The following STRADB variants were observed in gnomAD, a reference collection of about 807,000 sequenced individuals.
STRADB encodes STE20 related adaptor beta.
Under a neutral mutation model 52.1 loss-of-function variants are expected in STRADB, and 34 were observed. The observed-to-expected ratio is 0.65, with a 90% CI of 0.50 to 0.87. The LOEUF (loss-of-function observed/expected upper bound fraction) is 0.87. Ranked by LOEUF, STRADB falls within the 40% of genes least tolerant of loss-of-function variation. STRADB has a pLI of 0.00. For synonymous variants in STRADB, 133 were observed against 174.5 expected (o/e 0.76, Z 1.87); for missense variants, 340 against 483.9 (o/e 0.70, Z 2.79).
chr2:201,455,140 G>A (rs1324238421), intron 2 of STRADB, among the ~76,000 whole-genome samples: 1 of 152,104 alleles, frequency 6.6e-6, no homozygotes, highest in Non-Finnish European at 1.5e-5. Context: ...ACACCAGTTA[G>A]CTATGCCTTA....
Position 201,475,605 on chromosome 2 carries a change from G to A in STRADB, c.425-14G>A. On this transcript the variant is annotated splice_polypyrimidine_tract_variant and intron_variant, in intron 6 of 11. Transcript: ENST00000194530. ...TTTCAATGTTCATCTAAGGATTTTA[G>A]GGGTTTCTTTCAGGTTCAGCAAGTC... 6.2e-7 allele frequency: 1 copy of A among 1,611,730 alleles called. No homozygotes were observed. Among genetic ancestry groups the A allele is most frequent in the Non-Finnish European group, 8.5e-7 (1 of 1,179,736 alleles).
chr2:201,454,832 A>G lies in STRADB; in HGVS notation c.-9A>G, dbSNP rs1471374397. 4 of 1,607,186 alleles carry G rather than the reference A, an allele frequency of 2.5e-6. No individual in the cohort carries two copies. Among genetic ancestry groups the G allele is most frequent in the African/African-American group, 2.7e-5 (2 of 74,686 alleles). ...TTTTGTCACTTTCTGTGTGAACTAA[A>G]GTGATTCAATGTCTCTTTTGGTAAG... On this transcript the variant is annotated 5_prime_UTR_variant, in exon 2 of 12. Transcript: ENST00000194530.
In STRADB at chr2:201,458,979, T is replaced by C; in HGVS notation, c.93+115T>C. 3 of 774,290 alleles carry C rather than the reference T, an allele frequency of 3.9e-6. No individual in the cohort carries two copies. In the South Asian group the frequency reaches 5.4e-5, roughly 14 times the overall value. The allele number at this position is 774,290 out of a possible 1,614,324, so 48.0% of individuals were successfully genotyped here. A position where few individuals can be genotyped will look rare whatever the true frequency, so the allele number is the denominator to read the frequency against. ...GAGTTCGAGACCAGCCTGGGCAACA[T>C]AGTGAGATCTCATCTTTAAAAAAAA... is the stretch of plus-strand genomic sequence containing the variant. On this transcript the variant is annotated intron_variant, in intron 3 of 11. Coordinates refer to ENST00000194530, the MANE Select transcript of STRADB (RefSeq NM_018571.6).
intron 3 of STRADB, among the ~76,000 whole-genome samples, chr2:201,462,988 G>T (rs545904266): frequency 6.6e-6 from 1 of 152,262 alleles, no homozygotes; most frequent in African/African-American, 2.4e-5. Context: ...CTCAGCTTTT[G>T]TTTGTCTGGG....
chr2:201,464,098 A>G, intron 3 of STRADB, among the ~76,000 whole-genome samples: 1 of 151,862 alleles, frequency 6.6e-6, no homozygotes, highest in African/African-American at 2.4e-5. Flanking sequence ...TACTTTGCTC[A>G]TTTGGTGAAA....
At chr2:201,478,663 G>A in intron 10 of STRADB, 62 bp downstream of exon 10, 2 of 1,541,748 alleles carry the variant, frequency 1.3e-6, no homozygotes, top group East Asian at 4.5e-5. Context: ...TAGAAGCTTT[G>A]TAACATTGCC....
In STRADB at chr2:201,475,628, G is replaced by A. The variant is rs763789726; in HGVS notation, c.434G>A (p.Ser145Asn). 4 of 1,611,886 alleles carry A rather than the reference G, an allele frequency of 2.5e-6. No individual in the cohort carries two copies. The highest frequency in any genetic ancestry group is 1.1e-5 in the South Asian group (1 of 90,970). ...TAGGGGTTTCTTTCAGGTTCAGCAA[G>A]TCAACTCTTGAGGACCTATTTTCCT... is the stretch of plus-strand genomic sequence containing the variant. ...ISPFMAYGSA[S>N]QLLRTYFPEG... The change falls in exon 7 of 12, where the codon AGT becomes AAT. Residue 145 changes from serine to asparagine, a missense_variant. Transcript: ENST00000194530.
At chr2:201,479,881 A>C (rs1427646488) in intron 11 of STRADB, 151 bp from the exon 12 acceptor site, 1 of 910,834 alleles carries the variant, frequency 1.1e-6, no homozygotes, top group African/African-American at 1.7e-5. Flanking sequence ...TCCTGTTTTC[A>C]GATGACCAGA....
Position 201,478,489 on chromosome 2 carries a change from A to T in STRADB, c.958A>T (p.Ser320Cys), listed in dbSNP as rs1952516231. 6.2e-7 allele frequency: 1 copy of T among 1,613,986 alleles called. No individual in the cohort carries two copies. Among genetic ancestry groups the T allele is most frequent in the Non-Finnish European group, 8.5e-7 (1 of 1,180,036 alleles). The part of the protein sequence containing the change: ...SGIGESVLVS[S>C]GTHTVNSDRL... Reference sequence around the variant, plus strand: ...GATTGGAGAAAGTGTGCTTGTCTCCAGTGGAACTCACACAGTAAATAGTGA... The same window carrying T: ...GATTGGAGAAAGTGTGCTTGTCTCCTGTGGAACTCACACAGTAAATAGTGA... Residue 320 changes from serine (S) to cysteine (C), a missense_variant, in exon 10 of 12, where the codon AGT becomes TGT. Transcript: ENST00000194530.
At position 201,474,197 on chromosome 2, in the gene STRADB, TTAAAA is replaced by T. The variant is rs1412159846; in HGVS notation, c.316-447_316-443del. Reference sequence around the variant, plus strand: ...GAGCCACCGTGCCCGGCCCCAATTCTTAAAATATTTATATGTGCACATGTATATTA... The same window carrying T: ...GAGCCACCGTGCCCGGCCCCAATTCTTATTTATATGTGCACATGTATATTA... On this transcript the variant is annotated intron_variant, in intron 5 of 11. Transcript: ENST00000194530. Among the ~76,000 whole-genome samples, 3 of 152,106 alleles carry T rather than the reference TTAAAA, an allele frequency of 2.0e-5. No homozygotes were observed. The East Asian group carries it at 5.8e-4, about 29-fold the overall frequency.
At chr2:201,465,276 T>A (rs1242791197) in intron 3 of STRADB, among the ~76,000 whole-genome samples, 1 of 152,224 alleles carries the variant, frequency 6.6e-6, no homozygotes, top group East Asian at 1.9e-4. Context: ...ATACTGTTGA[T>A]GTTTATTCAA....
At chr2:201,456,103 C>G (rs189142881) in intron 2 of STRADB, among the ~76,000 whole-genome samples, 36 of 152,096 alleles carry the variant, frequency 2.4e-4, no homozygotes, top group African/African-American at 7.0e-4. Context: ...ATTTACAGAC[C>G]CTTTGGTCTT....
At chr2:201,461,497 T>TG (rs1297737461) in intron 3 of STRADB, among the ~76,000 whole-genome samples, 1 of 151,796 alleles carries the variant, frequency 6.6e-6, no homozygotes, top group Non-Finnish European at 1.5e-5. Flanking sequence ...TGAGAAATGT[T>TG]TATTTCTAGA....
chr2:201,460,240 TA>T (rs1012935229), intron 3 of STRADB, among the ~76,000 whole-genome samples: 74 of 151,912 alleles, frequency 4.9e-4, no homozygotes, highest in African/African-American at 1.2e-3. Context: ...AGGGGTTTTT[TA>T]AAAAAAAATT....
At chr2:201,452,219 A>G (rs939022120) in intron 1 of STRADB, among the ~76,000 whole-genome samples, 4 of 151,830 alleles carry the variant, frequency 2.6e-5, no homozygotes, top group African/African-American at 7.3e-5. Flanking sequence ...CGGCCGTGCC[A>G]GGTGCGCGGG....
At chr2:201,472,915 C>T (rs752707365) in intron 4 of STRADB, 40 bp from the exon 5 acceptor site, 26 of 1,511,370 alleles carry the variant, frequency 1.7e-5, no homozygotes, top group Admixed American at 6.7e-5. Context: ...AGTTTTTTTT[C>T]TTCTTTGGTT....
intron 3 of STRADB, among the ~76,000 whole-genome samples, chr2:201,468,109 G>A (rs1309139869): frequency 2.4e-4 from 8 of 33,454 alleles, no homozygotes; most frequent in Admixed American, 2.1e-3. Flanking sequence ...TTTTTTTTTT[G>A]GTAATTAGCT....
intron 7 of STRADB, among the ~76,000 whole-genome samples, chr2:201,476,467 C>T (rs1189338419): frequency 2.6e-5 from 4 of 151,384 alleles, no homozygotes; most frequent in African/African-American, 9.7e-5. Flanking sequence ...GGCCATCCTC[C>T]TCTGTTAAGT....
intron 8 of STRADB, 139 bp from the exon 9 acceptor site, chr2:201,477,948 A>T: frequency 1.7e-6 from 2 of 1,159,176 alleles, no homozygotes; most frequent in Non-Finnish European, 2.5e-6. Flanking sequence ...TAAATACCAT[A>T]TATGAAGTGT....
Sources: gnomAD v4.1 joint callset for allele counts (sites outside exome capture counted in the v4.1 genomes callset) on GRCh38, gnomAD v4.1.1 for gene constraint, MANE v1.5 for transcripts, NCBI Gene and HGNC (gene_info 2026-07-23, HGNC 2026-07-21) for gene names.